PTPRN2: variants seen among roughly 807,000 people sequenced by gnomAD.
The protein encoded by PTPRN2 is protein tyrosine phosphatase receptor type N2.
Under a neutral mutation model 118.8 loss-of-function variants are expected in PTPRN2, and 74 were observed. The observed-to-expected ratio is 0.62, with a 90% CI of 0.52 to 0.76. PTPRN2 has a LOEUF of 0.76. Among genes scored for constraint, PTPRN2 ranks in the 30% least tolerant of loss-of-function variants. The pLI, the probability that PTPRN2 is intolerant of heterozygous loss-of-function variation, is 0.00. For synonymous variants in PTPRN2, 641 were observed against 608.0 expected (o/e 1.05, Z -0.80); for missense variants, 1,481 against 1,394.4 (o/e 1.06, Z -0.99).
intron 3 of PTPRN2, among the ~76,000 whole-genome samples, chr7:158,251,298 C>T (rs886210127): frequency 1.3e-5 from 2 of 152,176 alleles, no homozygotes; most frequent in African/African-American, 4.8e-5. Context: ...CGCCTTTCTC[C>T]CAGCAGAGAT....
In PTPRN2 at chr7:157,578,143, G is replaced by A. The variant is rs371073010; in HGVS notation, c.2497-3C>T. ...ACGCAGCCGCTCTCCCACACCATCT[G>A]CGGACAAAGAAGGCCCGTGGCCGCG... is the stretch of plus-strand genomic sequence containing the variant. On this transcript the variant is annotated splice_region_variant and splice_polypyrimidine_tract_variant and intron_variant, in intron 17 of 22. Coordinates refer to ENST00000389418, the MANE Select transcript of PTPRN2 (RefSeq NM_002847.5). 84 of 1,606,166 alleles carry A rather than the reference G, an allele frequency of 5.2e-5. No individual in the cohort carries two copies. In the East Asian group the frequency reaches 6.9e-4, roughly 13 times the overall value.
intron 12 of PTPRN2, among the ~76,000 whole-genome samples, chr7:157,804,364 C>T (rs1279300700): frequency 1.3e-5 from 2 of 152,234 alleles, no homozygotes; most frequent in African/African-American, 2.4e-5. Flanking sequence ...CTTCTTCATT[C>T]GTTGTGTACC....
At chr7:157,943,405 G>A (rs576234426) in intron 11 of PTPRN2, among the ~76,000 whole-genome samples, 1 of 152,194 alleles carries the variant, frequency 6.6e-6, no homozygotes, top group African/African-American at 2.4e-5. Flanking sequence ...TTCAGTGACA[G>A]CCAACAGAAT....
At chr7:158,125,802 A>T (rs1246319796) in intron 9 of PTPRN2, among the ~76,000 whole-genome samples, 1 of 152,148 alleles carries the variant, frequency 6.6e-6, no homozygotes, top group Non-Finnish European at 1.5e-5. Context: ...CCAGAAACAC[A>T]GAATCCATCT....
At chr7:158,407,847 C>G (rs1813722763) in intron 2 of PTPRN2, among the ~76,000 whole-genome samples, 1 of 152,224 alleles carries the variant, frequency 6.6e-6, no homozygotes, top group Non-Finnish European at 1.5e-5. Flanking sequence ...ACCATGAGTT[C>G]ATGGCGTGAT....
chr7:158,253,475 G>A (rs1314658760), intron 3 of PTPRN2, among the ~76,000 whole-genome samples: 6 of 152,204 alleles, frequency 3.9e-5, no homozygotes, highest in African/African-American at 1.2e-4. Context: ...TGATTGCCGC[G>A]CCTGTTGCTT....
intron 8 of PTPRN2, 40 bp downstream of exon 8, chr7:158,136,615 C>T (rs1365983404): frequency 1.9e-6 from 3 of 1,596,190 alleles, no homozygotes; most frequent in African/African-American, 2.7e-5. Context: ...CACCAACTTC[C>T]ACATTTAACA....
At chr7:158,294,591 T>C (rs1186975945) in intron 3 of PTPRN2, among the ~76,000 whole-genome samples, 1 of 152,192 alleles carries the variant, frequency 6.6e-6, no homozygotes, top group African/African-American at 2.4e-5. Context: ...GACATGCGTG[T>C]GCCTCTGACA....
At chr7:158,057,529 T>C (rs1480839330) in intron 11 of PTPRN2, among the ~76,000 whole-genome samples, 1 of 152,210 alleles carries the variant, frequency 6.6e-6, no homozygotes, top group Non-Finnish European at 1.5e-5. Context: ...AGTTCTGGAT[T>C]CTTTCCTAGT....
chr7:157,661,644 A>ACTAT (rs138774909), intron 13 of PTPRN2, among the ~76,000 whole-genome samples: 1 of 150,974 alleles, frequency 6.6e-6, no homozygotes, highest in Non-Finnish European at 1.5e-5. Context: ...TGGCAGTGAT[A>ACTAT]AGGCCAGGAA....
intron 12 of PTPRN2, among the ~76,000 whole-genome samples, chr7:157,819,893 T>G (rs113444845): frequency 0.023 from 3,447 of 149,132 alleles, 149 homozygotes; most frequent in African/African-American, 0.081. Context: ...AACAGACACA[T>G]GCTTATGTGC....
chr7:158,226,269 G>C (rs572104714), intron 3 of PTPRN2, among the ~76,000 whole-genome samples: 72 of 152,114 alleles, frequency 4.7e-4, no homozygotes, highest in Admixed American at 3.3e-4. Context: ...GAGAACACTA[G>C]TGTGGATAGT....
At chr7:158,385,050 G>A (rs896015338) in intron 2 of PTPRN2, among the ~76,000 whole-genome samples, 10 of 152,108 alleles carry the variant, frequency 6.6e-5, no homozygotes, top group African/African-American at 1.7e-4. Context: ...GTGCATCAAC[G>A]TCCCCTAATG....
At chr7:158,122,059 G>A (rs1278484529) in intron 9 of PTPRN2, among the ~76,000 whole-genome samples, 3 of 152,208 alleles carry the variant, frequency 2.0e-5, no homozygotes, top group Non-Finnish European at 4.4e-5. Context: ...GATCCAGCAG[G>A]TGCGACGTGC....
chr7:158,127,128 C>A (rs73745131), intron 9 of PTPRN2, among the ~76,000 whole-genome samples: 5,223 of 152,272 alleles, frequency 0.034, 292 homozygotes, highest in African/African-American at 0.12. Flanking sequence ...CGCCCCATGC[C>A]ACTTTTTGCA....
At chr7:158,000,317 A>C (rs1476172236) in intron 11 of PTPRN2, among the ~76,000 whole-genome samples, 1 of 152,140 alleles carries the variant, frequency 6.6e-6, no homozygotes, top group African/African-American at 2.4e-5. Context: ...TAAAGTGATC[A>C]CTTCAAAAAC....
rs1814381465 is a variant in PTPRN2, at chr7:158,093,473, C to G, written c.1644-12096G>C. On this transcript the variant is annotated intron_variant, in intron 10 of 22. Transcript: ENST00000389418. The surrounding 1 kb of genome is among the most constrained non-coding windows in gnomAD (Gnocchi z 4.4). ...TGAATTGTTCCTGATGATAACTTGC[C>G]TCCTCCAGTCTTGTTCCTTGTTCAC... 6.6e-6 allele frequency among the ~76,000 whole-genome samples: 1 copy of G among 152,226 alleles called. No homozygotes were observed. The highest frequency in any genetic ancestry group is 2.1e-4 in the South Asian group (1 of 4,822).
intron 3 of PTPRN2, among the ~76,000 whole-genome samples, chr7:158,266,496 G>T (rs1430998951): frequency 6.6e-6 from 1 of 151,898 alleles, no homozygotes; most frequent in Non-Finnish European, 1.5e-5. Context: ...CCGCTGCAGT[G>T]TGATGTCTGG....
intron 2 of PTPRN2, among the ~76,000 whole-genome samples, chr7:158,419,207 G>C (rs1815045257): frequency 6.6e-6 from 1 of 152,206 alleles, no homozygotes; most frequent in Non-Finnish European, 1.5e-5. Context: ...TGTGTCCTTG[G>C]CAGTAACCTG....
Sources: allele counts gnomAD v4.1 joint callset (sites outside exome capture counted in the v4.1 genomes callset), GRCh38; gene constraint gnomAD v4.1.1; non-coding constraint Gnocchi (gnomAD v3.1); transcripts MANE v1.5; gene names NCBI Gene and HGNC (gene_info 2026-07-23, HGNC 2026-07-21).